CLSTN2: variants seen among roughly 807,000 people sequenced by gnomAD.
The protein encoded by CLSTN2 is calsyntenin-2.
Under a neutral mutation model 101.2 loss-of-function variants are expected in CLSTN2, and 48 were observed. The ratio of observed to expected loss-of-function variants is 0.47; its 90% CI spans 0.38 to 0.60. CLSTN2 has a LOEUF of 0.60. CLSTN2 is among the 20% of genes least tolerant of loss of function. CLSTN2 has a pLI of 0.00. For synonymous variants in CLSTN2, 481 were observed against 463.6 expected (o/e 1.04, Z -0.48); for missense variants, 1,160 against 1,238.2 (o/e 0.94, Z 0.95).
intron 1 of CLSTN2, among the ~76,000 whole-genome samples, chr3:140,108,877 C>T (rs1399411073): frequency 1.3e-5 from 2 of 152,172 alleles, no homozygotes; most frequent in Non-Finnish European, 2.9e-5. Flanking sequence ...TGTTGTACTC[C>T]TGCTAGGTAC....
chr3:140,489,193 T>C (rs1298888698), intron 8 of CLSTN2, among the ~76,000 whole-genome samples: 1 of 151,940 alleles, frequency 6.6e-6, no homozygotes, highest in African/African-American at 2.4e-5. Context: ...GGGAGGAGAA[T>C]CGTGGTTGAC....
In CLSTN2 at chr3:140,305,203, C is replaced by T. The variant is rs1176191968; in HGVS notation, c.233-98426C>T. On this transcript the variant is annotated intron_variant, in intron 2 of 16. Coordinates refer to ENST00000458420, the MANE Select transcript of CLSTN2 (RefSeq NM_022131.3). ...TACGTGGATTCAAGCTGTCACCACA[C>T]AAGACAGGGCCAGAAAGGGCTCCAT... Among the ~76,000 whole-genome samples the T allele has an allele frequency of 2.6e-5, 4 of 152,168 alleles. No homozygotes were observed. The East Asian group carries it at 5.8e-4, about 22-fold the overall frequency.
At chr3:140,274,127 A>G (rs1228138996) in intron 2 of CLSTN2, among the ~76,000 whole-genome samples, 1 of 152,146 alleles carries the variant, frequency 6.6e-6, no homozygotes, top group Admixed American at 6.5e-5. Flanking sequence ...CATTGATCTT[A>G]CCACACAGGG....
chr3:140,226,079 G>A lies in CLSTN2; in HGVS notation c.232+50006G>A, dbSNP rs183738275. Reference sequence around the variant, plus strand: ...TGTTGATATATACAACCACCTGGGTGAATCCCTAGAGAATTACACTGAGAG... The same window carrying A: ...TGTTGATATATACAACCACCTGGGTAAATCCCTAGAGAATTACACTGAGAG... On this transcript the variant is annotated intron_variant, in intron 2 of 16. Transcript: ENST00000458420. Among the ~76,000 whole-genome samples the A allele has an allele frequency of 5.9e-5, 9 of 152,308 alleles. No homozygotes were observed. In the East Asian group the frequency reaches 1.7e-3, roughly 29 times the overall value.
chr3:140,372,867 G>T (rs1468941047), intron 2 of CLSTN2, among the ~76,000 whole-genome samples: 1 of 152,114 alleles, frequency 6.6e-6, no homozygotes, highest in Non-Finnish European at 1.5e-5. Context: ...TGGTTTGAGG[G>T]CAGGAACTGG....
intron 8 of CLSTN2, among the ~76,000 whole-genome samples, chr3:140,517,169 C>T (rs1051788758): frequency 6.6e-6 from 1 of 152,174 alleles, no homozygotes; most frequent in Non-Finnish European, 1.5e-5. Flanking sequence ...TCCCTCCTCT[C>T]CAAAAGTTGT....
rs540996717 is a variant in CLSTN2 at position 140,522,004 on chromosome 3, A to G, written c.1345-10320A>G. On this transcript the variant is annotated intron_variant, in intron 8 of 16. Coordinates refer to ENST00000458420, the MANE Select transcript of CLSTN2 (RefSeq NM_022131.3). ...GTGTTTGCCTGAGTGGCTGCTCTGC[A>G]GGGACTCCACACACCTCTGTGAGTC... Among the ~76,000 whole-genome samples, 6 of 152,306 alleles carry G rather than the reference A, an allele frequency of 3.9e-5. No individual in the cohort carries two copies. In the East Asian group the frequency reaches 7.7e-4, roughly 20 times the overall value.
chr3:140,163,006 C>G (rs529954389), intron 1 of CLSTN2, among the ~76,000 whole-genome samples: 4 of 152,262 alleles, frequency 2.6e-5, no homozygotes, highest in Non-Finnish European at 5.9e-5. Context: ...GAAATTTGTA[C>G]TATCCTATCA....
At chr3:140,027,331 C>G (rs1349511771) in intron 1 of CLSTN2, among the ~76,000 whole-genome samples, 1 of 152,082 alleles carries the variant, frequency 6.6e-6, no homozygotes, top group African/African-American at 2.4e-5. Flanking sequence ...AATTCAATAA[C>G]TGATGTCTTT....
At chr3:140,458,004 C>T (rs745553354) in intron 6 of CLSTN2, among the ~76,000 whole-genome samples, 1 of 152,184 alleles carries the variant, frequency 6.6e-6, no homozygotes, top group Non-Finnish European at 1.5e-5. Context: ...ACATGCTCTT[C>T]ACATAGCATA....
intron 2 of CLSTN2, among the ~76,000 whole-genome samples, chr3:140,384,978 A>C (rs1559855140): frequency 6.6e-6 from 1 of 152,150 alleles, no homozygotes; most frequent in Non-Finnish European, 1.5e-5. Flanking sequence ...AGCTTGGTTT[A>C]GTGTGTGGGC....
intron 5 of CLSTN2, among the ~76,000 whole-genome samples, chr3:140,443,499 T>C (rs1933005076): frequency 6.6e-6 from 1 of 152,244 alleles, no homozygotes; most frequent in African/African-American, 2.4e-5. Flanking sequence ...TTCTAAGTTC[T>C]TAATCCACAA....
chr3:140,190,919 G>A (rs1047130552), intron 2 of CLSTN2, among the ~76,000 whole-genome samples: 1 of 151,536 alleles, frequency 6.6e-6, no homozygotes, highest in Non-Finnish European at 1.5e-5. Context: ...CCTTTTTATT[G>A]TCTTTATACT....
At chr3:140,276,549 A>G (rs2107893403) in intron 2 of CLSTN2, among the ~76,000 whole-genome samples, 1 of 152,288 alleles carries the variant, frequency 6.6e-6, no homozygotes, top group South Asian at 2.1e-4. Context: ...AAGCTCCCAC[A>G]CAGGAGAACA....
intron 2 of CLSTN2, among the ~76,000 whole-genome samples, chr3:140,206,366 G>GAGGGCAGAGGCC (rs1033460433): frequency 3.0e-4 from 46 of 152,190 alleles, no homozygotes; most frequent in African/African-American, 1.1e-3. Flanking sequence ...CCCCTAGCTT[G>GAGGGCAGAGGCC]AGGGCAGAGG....
chr3:140,364,085 C>T (rs910711281), intron 2 of CLSTN2, among the ~76,000 whole-genome samples: 1 of 152,174 alleles, frequency 6.6e-6, no homozygotes, highest in Non-Finnish European at 1.5e-5. Flanking sequence ...TTCTAAGTCC[C>T]GATTCTAGAC....
At chr3:140,129,528 A>G (rs1381911518) in intron 1 of CLSTN2, among the ~76,000 whole-genome samples, 5 of 152,170 alleles carry the variant, frequency 3.3e-5, no homozygotes, top group Admixed American at 2.0e-4. Flanking sequence ...TCAACAAAAC[A>G]TTGCATGCAA....
chr3:140,497,197 C>A (rs1934485283), intron 8 of CLSTN2, among the ~76,000 whole-genome samples: 1 of 151,784 alleles, frequency 6.6e-6, no homozygotes, highest in Non-Finnish European at 1.5e-5. Flanking sequence ...AGCTTGGACT[C>A]TCCAGAGCCA....
At chr3:140,117,562 C>T (rs1035578397) in intron 1 of CLSTN2, among the ~76,000 whole-genome samples, 18 of 152,236 alleles carry the variant, frequency 1.2e-4, no homozygotes, top group African/African-American at 4.1e-4. Context: ...AAAGGTGGGT[C>T]GCCTCTTGGG....
Sources: allele counts gnomAD v4.1 joint callset (sites outside exome capture counted in the v4.1 genomes callset), GRCh38; gene constraint gnomAD v4.1.1; transcripts MANE v1.5; gene names NCBI Gene and HGNC (gene_info 2026-07-23, HGNC 2026-07-21).